The following B3GAT2 variants were observed in gnomAD, a reference collection of about 807,000 sequenced individuals.
B3GAT2 encodes beta-1,3-glucuronyltransferase 2, also known as galactosylgalactosylxylosylprotein 3-beta-glucuronosyltransferase 2.
B3GAT2 carries 26 observed loss-of-function variants against 27.8 expected under a neutral mutation model. The ratio of observed to expected loss-of-function variants is 0.93; its 90% CI spans 0.68 to 1.30. The LOEUF (loss-of-function observed/expected upper bound fraction) is 1.30. Ranked by LOEUF, B3GAT2 falls within the 50% of genes most tolerant of loss-of-function variation. The pLI, the probability that B3GAT2 is intolerant of heterozygous loss-of-function variation, is 0.00. For missense variants in B3GAT2, 458 were observed against 459.0 expected, an observed-to-expected ratio of 1.00 and a Z score of 0.02; for synonymous variants, 218 against 195.1, an observed-to-expected ratio of 1.12 and a Z score of -0.98.
chr6:70,882,212 A>G (rs753976796), intron 2 of B3GAT2, among the ~76,000 whole-genome samples: 12 of 152,192 alleles, frequency 7.9e-5, no homozygotes, highest in Admixed American at 6.5e-5. Flanking sequence ...CAAAAGATCA[A>G]ATAGGTACGC....
intron 1 of B3GAT2, among the ~76,000 whole-genome samples, chr6:70,926,032 C>A (rs886687643): frequency 1.2e-4 from 18 of 152,174 alleles, no homozygotes; most frequent in African/African-American, 4.1e-4. Flanking sequence ...AGGCAAACAG[C>A]GTCTGGAGTA....
chr6:70,925,189 C>A (rs1369328740), intron 1 of B3GAT2, among the ~76,000 whole-genome samples: 1 of 152,106 alleles, frequency 6.6e-6, no homozygotes, highest in South Asian at 2.1e-4. Context: ...ACAAGATGGC[C>A]GAAGAGGAAC....
At chr6:70,899,235 A>G (rs897827789) in intron 1 of B3GAT2, among the ~76,000 whole-genome samples, 2 of 152,346 alleles carry the variant, frequency 1.3e-5, no homozygotes, top group East Asian at 3.9e-4. Context: ...TGGCCACAGA[A>G]ATTCAGCATG....
intron 1 of B3GAT2, among the ~76,000 whole-genome samples, chr6:70,943,272 C>T (rs1310422539): frequency 6.6e-6 from 1 of 152,146 alleles, no homozygotes; most frequent in Non-Finnish European, 1.5e-5. Flanking sequence ...AACCTTCTAC[C>T]AACAAGTGAG....
chr6:70,952,472 T>C (rs1582404378), intron 1 of B3GAT2, among the ~76,000 whole-genome samples: 2 of 152,254 alleles, frequency 1.3e-5, no homozygotes, highest in African/African-American at 4.8e-5. Context: ...AACAGAAATC[T>C]GATCAATAGT....
At chr6:70,938,024 C>A (rs1036917747) in intron 1 of B3GAT2, among the ~76,000 whole-genome samples, 2 of 151,264 alleles carry the variant, frequency 1.3e-5, no homozygotes, top group African/African-American at 2.4e-5. Context: ...AGCCAAAAAT[C>A]TCCTTAAGCT....
intron 2 of B3GAT2, among the ~76,000 whole-genome samples, chr6:70,880,957 C>T (rs1772091058): frequency 6.6e-6 from 1 of 152,202 alleles, no homozygotes; most frequent in African/African-American, 2.4e-5. Flanking sequence ...ATGTGAGCCA[C>T]CACAACCAGC....
At position 70,860,156 on chromosome 6, in the gene B3GAT2, A is replaced by G; in HGVS notation, c.*1507T>C. On this transcript the variant is annotated 3_prime_UTR_variant, in exon 4 of 4. Transcript: ENST00000230053. ...TGTGGCTAAAGAAACAAGAATTAAA[A>G]GTGAAGTAAGCCTCTTGAACTAAGC... 1 of 1,533,006 alleles carries G rather than the reference A, an allele frequency of 6.5e-7. No individual in the cohort carries two copies. Among genetic ancestry groups the G allele is most frequent in the Non-Finnish European group, 8.8e-7 (1 of 1,140,918 alleles). The allele number at this position is 1,533,006 out of a possible 1,614,324, so 95.0% of individuals were successfully genotyped here.
In B3GAT2 at chr6:70,862,084, G is replaced by A. The variant is rs1318108522; in HGVS notation, c.737-106C>T. The A allele has an allele frequency of 4.9e-6, 5 of 1,018,276 alleles. No individual in the cohort carries two copies. The African/African-American group carries it at 6.5e-5, about 13-fold the overall frequency. The allele number at this position is 1,018,276 out of a possible 1,614,324, so 63.1% of individuals were successfully genotyped here. ...CAAAACAGTTTTTAAAATACCTACT[G>A]TGTGTCAGGTCTTGGTTTACAAAGT... On this transcript the variant is annotated intron_variant, in intron 2 of 3. Coordinates refer to ENST00000230053, the MANE Select transcript of B3GAT2 (RefSeq NM_080742.3).
chr6:70,933,557 G>A (rs1272213230), intron 1 of B3GAT2, among the ~76,000 whole-genome samples: 2 of 152,188 alleles, frequency 1.3e-5, no homozygotes, highest in African/African-American at 2.4e-5. Context: ...TTGCCAGTGT[G>A]AACAGATGTA....
Position 70,860,812 on chromosome 6 carries a change from C to CTTA in B3GAT2, c.*848_*850dup. ...CTGTTTTCTAGTGTATCAAAATGCT[C>CTTA]TTATTTCATCATTCACTTCACTGTG... On this transcript the variant is annotated 3_prime_UTR_variant, in exon 4 of 4. Transcript: ENST00000230053. 1 of 397,528 alleles carries CTTA rather than the reference C, an allele frequency of 2.5e-6. No homozygotes were observed. The highest frequency in any genetic ancestry group is 3.6e-5 in the East Asian group (1 of 27,950). 24.6% of individuals were successfully genotyped at this position (397,528 alleles called of 1,614,324 possible). A position where few individuals can be genotyped will look rare whatever the true frequency, so the allele number is the denominator to read the frequency against.
intron 1 of B3GAT2, among the ~76,000 whole-genome samples, chr6:70,895,749 A>G (rs1474046509): frequency 2.6e-5 from 4 of 152,032 alleles, no homozygotes; most frequent in Non-Finnish European, 5.9e-5. Context: ...TCAAATCTAA[A>G]GTTACTATTT....
chr6:70,945,805 G>A (rs369746675), intron 1 of B3GAT2, among the ~76,000 whole-genome samples: 3 of 150,828 alleles, frequency 2.0e-5, no homozygotes, highest in Non-Finnish European at 3.0e-5. Flanking sequence ...GGAAAAAATG[G>A]TAAGGGCAGC....
chr6:70,913,097 T>A (rs1047587206), intron 1 of B3GAT2, among the ~76,000 whole-genome samples: 2 of 152,180 alleles, frequency 1.3e-5, no homozygotes, highest in Non-Finnish European at 2.9e-5. Flanking sequence ...TCCATCTTAT[T>A]TATTGTTTCA....
chr6:70,884,113 A>C (rs1323630988), intron 2 of B3GAT2, among the ~76,000 whole-genome samples: 23 of 132,154 alleles, frequency 1.7e-4, no homozygotes, highest in Middle Eastern at 7.6e-3. Context: ...AAAAAAAAAA[A>C]CAAAAAAAAC....
chr6:70,890,615 GT>G (rs1453888998), intron 2 of B3GAT2, among the ~76,000 whole-genome samples: 1 of 152,214 alleles, frequency 6.6e-6, no homozygotes, highest in Non-Finnish European at 1.5e-5. Context: ...TGAGGAGATT[GT>G]GGGAAACATC....
chr6:70,876,504 C>G (rs1772016578), intron 2 of B3GAT2, among the ~76,000 whole-genome samples: 2 of 152,118 alleles, frequency 1.3e-5, no homozygotes, highest in African/African-American at 4.8e-5. Flanking sequence ...CTGTTCTGTG[C>G]CTTGGTTTAC....
intron 1 of B3GAT2, among the ~76,000 whole-genome samples, chr6:70,947,814 T>C (rs1765516648): frequency 6.6e-6 from 1 of 152,150 alleles, no homozygotes; most frequent in African/African-American, 2.4e-5. Context: ...TTGATGAACA[T>C]TGATGCAAAA....
chr6:70,955,886 A>G lies in B3GAT2; in HGVS notation c.544T>C (p.Phe182Leu), dbSNP rs753613802. ...QHQRAQPGVL[F>L]FADDDNTYSL... ...TAGGTGTTGTCGTCGTCAGCGAAGA[A>G]GAGCACGCCGGGCTGCGCGCGCTGG... The change falls in exon 1 of 4, where the codon TTC (phenylalanine) becomes CTC (leucine). Residue 182 changes from phenylalanine (F) to leucine (L), a missense_variant. By Grantham distance (22) the Phe-to-Leu change is conservative. Transcript: ENST00000230053. 21 of 1,605,268 alleles carry G rather than the reference A, an allele frequency of 1.3e-5. No homozygotes were observed. The highest frequency in any genetic ancestry group is 1.8e-5 in the Non-Finnish European group (21 of 1,176,822).
Sources: allele counts gnomAD v4.1 joint callset (sites outside exome capture counted in the v4.1 genomes callset), GRCh38; gene constraint gnomAD v4.1.1; transcripts MANE v1.5; gene names NCBI Gene and HGNC (gene_info 2026-07-23, HGNC 2026-07-21).